PHLPP2: variants seen among roughly 807,000 people sequenced by gnomAD.
The protein encoded by PHLPP2 is PH domain and leucine rich repeat protein phosphatase 2.
A neutral mutation model predicts 124.9 loss-of-function variants in PHLPP2; 66 were observed. The ratio of observed to expected loss-of-function variants is 0.53; its 90% CI spans 0.43 to 0.65. The LOEUF is 0.65. PHLPP2 is among the 30% of genes least tolerant of loss of function. The pLI is 0.00. For missense variants in PHLPP2, 1,685 were observed against 1,600.4 expected (o/e 1.05, Z -0.90); for synonymous variants, 681 against 624.7 (o/e 1.09, Z -1.34).
intron 9 of PHLPP2, among the ~76,000 whole-genome samples, chr16:71,675,739 G>A (rs988887622): frequency 1.3e-5 from 2 of 151,684 alleles, no homozygotes; most frequent in Non-Finnish European, 1.5e-5. Context: ...TTTGAGATGG[G>A]GTCTCACAAG....
chr16:71,704,493 T>C (rs750160273), intron 2 of PHLPP2, among the ~76,000 whole-genome samples: 7 of 151,758 alleles, frequency 4.6e-5, no homozygotes, highest in Non-Finnish European at 1.0e-4. Context: ...TGTAACAAAA[T>C]GATAATTTTG....
At chr16:71,676,423 C>CA (rs2044945874) in intron 9 of PHLPP2, 24 bp downstream of exon 9, 1 of 1,600,130 alleles carries the variant, frequency 6.2e-7, no homozygotes, top group African/African-American at 1.3e-5. Context: ...AGAGAAAAAA[C>CA]AAAAGGCTGC....
chr16:71,682,219 T>C (rs933637444), intron 5 of PHLPP2, among the ~76,000 whole-genome samples: 37 of 118,930 alleles, frequency 3.1e-4, no homozygotes, highest in African/African-American at 1.0e-3. Flanking sequence ...TGTTTTTGGG[T>C]TTTTTTTTTT....
intron 6 of PHLPP2, 42 bp downstream of exon 6, chr16:71,681,709 T>G: frequency 6.7e-7 from 1 of 1,501,440 alleles, no homozygotes; most frequent in African/African-American, 1.4e-5. Flanking sequence ...TGATTATGAG[T>G]TGGTTTTAAC....
chr16:71,717,129 G>C (rs2045368306), intron 1 of PHLPP2, among the ~76,000 whole-genome samples: 1 of 152,178 alleles, frequency 6.6e-6, no homozygotes, highest in South Asian at 2.1e-4. Context: ...CTACATCTTT[G>C]CAGCAGCTGC....
intron 1 of PHLPP2, among the ~76,000 whole-genome samples, chr16:71,717,897 TTTTG>T (rs1389811616): frequency 1.3e-5 from 2 of 152,092 alleles, no homozygotes; most frequent in Admixed American, 1.3e-4. Context: ...CTCCAGGAAG[TTTTG>T]TTTGTTTTGA....
intron 13 of PHLPP2, among the ~76,000 whole-genome samples, chr16:71,662,206 C>T (rs923961872): frequency 5.3e-5 from 8 of 149,914 alleles, no homozygotes; most frequent in Non-Finnish European, 1.0e-4. Flanking sequence ...CCAAGGTGGG[C>T]GGATCACGAG....
At chr16:71,684,123 CTCTT>C (rs2045030112) in intron 5 of PHLPP2, among the ~76,000 whole-genome samples, 5 of 127,268 alleles carry the variant, frequency 3.9e-5, no homozygotes, top group Admixed American at 1.7e-4. Flanking sequence ...TCTTGAGGTA[CTCTT>C]TTTTTTTTTT....
In PHLPP2 at chr16:71,655,359, G is replaced by T; in HGVS notation, c.2466C>A (p.Asp822Glu). 1 of 1,613,844 alleles carries T rather than the reference G, an allele frequency of 6.2e-7. No homozygotes were observed. The highest frequency in any genetic ancestry group is 8.5e-7 in the Non-Finnish European group (1 of 1,179,836). The change falls in exon 17 of 19, where the codon GAC becomes GAA. Residue 822 changes from aspartate to glutamate, a missense_variant. Transcript: ENST00000568954. ...VGAVYGMFDGDRNEELPRLLQ... is the reference protein window; with the variant it reads ...VGAVYGMFDGERNEELPRLLQ... The stretch of plus-strand genomic sequence containing the variant: ...GCAGGCGCGGGAGCTCCTCATTTCG[G>T]TCTCCATCAAACATGCCATACACAG...
At chr16:71,674,911 C>T (rs557344394) in intron 9 of PHLPP2, among the ~76,000 whole-genome samples, 3 of 152,290 alleles carry the variant, frequency 2.0e-5, no homozygotes, top group East Asian at 3.9e-4. Flanking sequence ...AGAAGAGAAT[C>T]GCTTGAACCT....
chr16:71,652,770 T>C lies in PHLPP2; in HGVS notation c.2817+20A>G. 1.9e-6 allele frequency: 3 copies of C among 1,568,780 alleles called. No homozygotes were observed. The highest frequency in any genetic ancestry group is 1.1e-5 in the South Asian group (1 of 90,230). ...CACTGATTTGGGGAGCAGAAGTGACTGGCGGGGAGCGGAACACACCTCTGT... is the reference window on the plus strand; with the variant it reads ...CACTGATTTGGGGAGCAGAAGTGACCGGCGGGGAGCGGAACACACCTCTGT... On this transcript the variant is annotated intron_variant, in intron 18 of 18. Transcript: ENST00000568954.
chr16:71,705,976 G>C (rs1453106823), intron 2 of PHLPP2, among the ~76,000 whole-genome samples: 1 of 152,188 alleles, frequency 6.6e-6, no homozygotes, highest in Non-Finnish European at 1.5e-5. Context: ...GCTATAATGT[G>C]CTTACAGTTC....
chr16:71,680,631 A>T (rs1482607997), intron 6 of PHLPP2, among the ~76,000 whole-genome samples: 3 of 152,234 alleles, frequency 2.0e-5, no homozygotes, highest in Non-Finnish European at 4.4e-5. Context: ...CAAGTGCAAG[A>T]TGGTAAGGCT....
chr16:71,654,871 A>C (rs531093685), intron 17 of PHLPP2, among the ~76,000 whole-genome samples: 1 of 152,214 alleles, frequency 6.6e-6, no homozygotes, highest in Non-Finnish European at 1.5e-5. Context: ...TATCAATCTG[A>C]TAAGTATTTG....
chr16:71,689,784 G>A (rs1290511096), intron 4 of PHLPP2, among the ~76,000 whole-genome samples: 2 of 151,938 alleles, frequency 1.3e-5, no homozygotes, highest in Non-Finnish European at 2.9e-5. Context: ...TGAGTAGCTG[G>A]GATTACAGGC....
intron 10 of PHLPP2, among the ~76,000 whole-genome samples, chr16:71,672,029 C>T (rs1397409087): frequency 6.6e-6 from 1 of 152,184 alleles, no homozygotes; most frequent in African/African-American, 2.4e-5. Flanking sequence ...TCTCATCCTA[C>T]ATCTATAGTC....
intron 2 of PHLPP2, among the ~76,000 whole-genome samples, chr16:71,709,172 T>C (rs531192362): frequency 1.1e-3 from 160 of 152,134 alleles, no homozygotes; most frequent in Non-Finnish European, 2.0e-3. Context: ...CAAAAACATG[T>C]AGGAAAAAAA....
At position 71,702,746 on chromosome 16, in the gene PHLPP2, CA is replaced by C; in HGVS notation, c.285-16del. The stretch of plus-strand genomic sequence containing the variant: ...GTTCCAGTCTCCTGATTACACAATT[CA>C]AAAAAATATATATATTTGGTAAGTA... On this transcript the variant is annotated splice_polypyrimidine_tract_variant and intron_variant, in intron 2 of 18. Coordinates refer to ENST00000568954, the MANE Select transcript of PHLPP2 (RefSeq NM_015020.3). The C allele has an allele frequency of 1.3e-5, 20 of 1,533,340 alleles. No individual in the cohort carries two copies. The highest frequency in any genetic ancestry group is 3.7e-5 in the South Asian group (3 of 80,964). The allele number at this position is 1,533,340 out of a possible 1,614,324, so 95.0% of individuals were successfully genotyped here.
rs765023471 is a variant in PHLPP2, at chr16:71,679,396, G to A, written c.1030C>T (p.Leu344=). Residue 344 remains leucine, a synonymous_variant, in exon 7 of 19, where the codon CTG becomes TTG. Coordinates refer to ENST00000568954, the MANE Select transcript of PHLPP2 (RefSeq NM_015020.3). ...CTAGTAAAAGTTACTTACTTTAGCAGATTGCCAATTTGACTTGGTAGGTCA... is the reference window on the plus strand; with the variant it reads ...CTAGTAAAAGTTACTTACTTTAGCAAATTGCCAATTTGACTTGGTAGGTCA... ...FHDLPSQIGN[L]LNLQTLCLDG... 1.9e-6 allele frequency: 3 copies of A among 1,613,614 alleles called. No homozygotes were observed. In the African/African-American group the frequency reaches 4.0e-5, roughly 22 times the overall value.
Sources: gnomAD v4.1 joint callset for allele counts (sites outside exome capture counted in the v4.1 genomes callset) on GRCh38, gnomAD v4.1.1 for gene constraint, MANE v1.5 for transcripts, NCBI Gene and HGNC (gene_info 2026-07-23, HGNC 2026-07-21) for gene names.